Variants in BCL9L observed in about 807,000 individuals in gnomAD.
The protein encoded by BCL9L is BCL9 like, also known as B-cell CLL/lymphoma 9-like protein.
A neutral mutation model predicts 99.4 loss-of-function variants in BCL9L; 19 were observed. That is an observed-to-expected ratio of 0.19 (90% CI 0.13 to 0.28). The LOEUF (loss-of-function observed/expected upper bound fraction) is 0.28, where lower values mean the gene tolerates loss of function less well. Ranked by LOEUF, BCL9L falls within the 10% of genes least tolerant of loss-of-function variation. The pLI is 1.00. For synonymous variants in BCL9L, 900 were observed against 854.8 expected (o/e 1.05, Z -0.92); for missense variants, 2,023 against 2,101.6 (o/e 0.96, Z 0.73).
At position 118,898,294 on chromosome 11, in the gene BCL9L, G is replaced by GGCCCCACCCCCCC; in HGVS notation, c.*120_*121insGGGGGGGTGGGGC. On this transcript the variant is annotated 3_prime_UTR_variant, in exon 10 of 10. Coordinates refer to ENST00000683865, the MANE Select transcript of BCL9L (RefSeq NM_001378213.1). ...TCCACAAATGCCACTCCCTACACAA[G>GGCCCCACCCCCCC]CCCCCTCCCACCCCCTCCACCCCAC... 2.2e-6 allele frequency: 1 copy of GGCCCCACCCCCCC among 452,312 alleles called. No individual in the cohort carries two copies. Among genetic ancestry groups the GGCCCCACCCCCCC allele is most frequent in the African/African-American group, 2.0e-5 (1 of 49,078 alleles). 28.0% of individuals were successfully genotyped at this position (452,312 alleles called of 1,614,324 possible).
At position 118,914,500 on chromosome 11, in the gene BCL9L, C is replaced by T. The variant is rs971207130; in HGVS notation, c.-77+4326G>A. Reference sequence around the variant, plus strand: ...TCTTGGCAGCAGCAGCACCTGGGGGCCCCACGAGCTCTGCCCACATTGACA... The same window carrying T: ...TCTTGGCAGCAGCAGCACCTGGGGGTCCCACGAGCTCTGCCCACATTGACA... On this transcript the variant is annotated intron_variant, in intron 2 of 9. Transcript: ENST00000683865. The surrounding 1 kb of genome is among the most constrained non-coding windows in gnomAD (Gnocchi z 4.4). Among the ~76,000 whole-genome samples the T allele has an allele frequency of 6.6e-6, 1 of 152,228 alleles. No homozygotes were observed. The highest frequency in any genetic ancestry group is 1.5e-5 in the Non-Finnish European group (1 of 68,038).
chr11:118,923,789 G>C (rs886684795), intron 1 of BCL9L, among the ~76,000 whole-genome samples: 8 of 152,210 alleles, frequency 5.3e-5, no homozygotes, highest in African/African-American at 1.9e-4. Context: ...GGCTCTCCAA[G>C]GCCAAGGAGG....
intron 2 of BCL9L, among the ~76,000 whole-genome samples, chr11:118,915,594 G>T (rs1188652632): frequency 6.6e-6 from 1 of 152,108 alleles, no homozygotes; most frequent in South Asian, 2.1e-4. Context: ...AGAGGGGCTG[G>T]GTGGCTGTCC....
chr11:118,902,341 G>T lies in BCL9L; in HGVS notation c.1402C>A (p.Pro468Thr). Residue 468 changes from proline (P) to threonine (T), a missense_variant, in exon 8 of 10, where the codon CCC becomes ACC. This residue lies in a region of BCL9L where 1,116 missense variants were observed against 1,194.6 expected (regional missense o/e 0.93). Transcript: ENST00000683865. The surrounding 1 kb of genome is among the most constrained non-coding windows in gnomAD (Gnocchi z 7.8). ...PPSGLKKYEEPLQSMISQTQS... is the reference protein window; with the variant it reads ...PPSGLKKYEETLQSMISQTQS... ...GTCTGTGAAATCATGGACTGCAAGGGTTCCTCATATTTCTTCAGCCCGCTG... is the reference window on the plus strand; with the variant it reads ...GTCTGTGAAATCATGGACTGCAAGGTTTCCTCATATTTCTTCAGCCCGCTG... 6.5e-7 allele frequency: 1 copy of T among 1,534,198 alleles called. No individual in the cohort carries two copies. The highest frequency in any genetic ancestry group is 8.8e-7 in the Non-Finnish European group (1 of 1,141,642).
chr11:118,902,807 CG>C lies in BCL9L; in HGVS notation c.935del (p.Pro312ArgfsTer151). ...GAGCAGGCGGGGCACTGCCAGGGGC[CG>C]GGGGTGGCGGCGGCGGCAGTGGAGG... ...QPPPLPPPPP[P>X]APGSAPPALP... On this transcript the variant is annotated frameshift_variant, in exon 8 of 10. Transcript: ENST00000683865. LOFTEE classifies it high-confidence loss of function. The surrounding 1 kb of genome is among the most constrained non-coding windows in gnomAD (Gnocchi z 7.8). 3 of 1,553,398 alleles carry C rather than the reference CG, an allele frequency of 1.9e-6. No individual in the cohort carries two copies. Among genetic ancestry groups the C allele is most frequent in the Non-Finnish European group, 2.6e-6 (3 of 1,156,318 alleles).
At chr11:118,919,113 CCCCCGACCCCCCAA>C (rs1941067976) in intron 1 of BCL9L, among the ~76,000 whole-genome samples, 1 of 19,296 alleles carries the variant, frequency 5.2e-5, no homozygotes, top group African/African-American at 2.5e-4. Flanking sequence ...TGCCCCCCCC[CCCCCGACCCCCCAA>C]CCCCCGCCCA....
rs760828889 is a variant in BCL9L, at chr11:118,907,511, C to T, written c.504G>A (p.Glu168=). 3 of 1,614,226 alleles carry T rather than the reference C, an allele frequency of 1.9e-6. No homozygotes were observed. The highest frequency in any genetic ancestry group is 2.2e-5 in the East Asian group (1 of 44,878). Residue 168 remains glutamate (E), a synonymous_variant, in exon 5 of 10, where the codon GAG becomes GAA. Coordinates refer to ENST00000683865, the MANE Select transcript of BCL9L (RefSeq NM_001378213.1). ...GGGTGGCCCCAATGGGCTTGTCGTCCTCCTCACTGTCCGGTCCAGAGCACC... is the reference window on the plus strand; with the variant it reads ...GGGTGGCCCCAATGGGCTTGTCGTCTTCCTCACTGTCCGGTCCAGAGCACC... The part of the protein sequence containing the change: ...DEWCSGPDSE[E]DDKPIGATHN...
At chr11:118,905,512 CAAAAAAAAAA>C (rs761526586) in intron 5 of BCL9L, among the ~76,000 whole-genome samples, 2 of 38,578 alleles carry the variant, frequency 5.2e-5, no homozygotes, top group East Asian at 7.9e-4. Context: ...GACTCTGTCT[CAAAAAAAAAA>C]AAAAAAAAAA....
In BCL9L at chr11:118,899,948, G is replaced by C. The variant is rs767526709; in HGVS notation, c.3375C>G (p.Pro1125=). ...CGGAGCCCTGCGGTGGTGGTGGGGG[G>C]GGCAGCAGGGGCCGGTCGGGCAGCA... The part of the protein sequence containing the change: ...DELLPDRPLL[P]PPPPPQGSGP... The change falls in exon 9 of 10, where the codon CCC becomes CCG. Residue 1125 remains proline (P), a synonymous_variant. Coordinates refer to ENST00000683865, the MANE Select transcript of BCL9L (RefSeq NM_001378213.1). The C allele has an allele frequency of 1.2e-6, 2 of 1,613,534 alleles. No homozygotes were observed. The highest frequency in any genetic ancestry group is 2.2e-5 in the East Asian group (1 of 44,884).
intron 1 of BCL9L, 27 bp from the exon 2 acceptor site, chr11:118,918,906 GC>G (rs1167173692): frequency 6.6e-6 from 1 of 151,994 alleles, no homozygotes; most frequent in Non-Finnish European, 1.5e-5. Context: ...AAAGCTAGAA[GC>G]CCCCTTCTAG....
chr11:118,917,326 G>A (rs1047922039), intron 2 of BCL9L, among the ~76,000 whole-genome samples: 4 of 152,206 alleles, frequency 2.6e-5, no homozygotes, highest in Non-Finnish European at 4.4e-5. Context: ...CATTTATTGA[G>A]CATTTACTTT....
chr11:118,920,976 C>T (rs1395287717), intron 1 of BCL9L, among the ~76,000 whole-genome samples: 1 of 152,164 alleles, frequency 6.6e-6, no homozygotes, highest in Non-Finnish European at 1.5e-5. Flanking sequence ...CATGTGTGTG[C>T]CCGCACACGC....
At chr11:118,910,202 A>C (rs1366352677) in intron 2 of BCL9L, 187 bp from the exon 3 acceptor site, 1 of 522,646 alleles carries the variant, frequency 1.9e-6, no homozygotes, top group Non-Finnish European at 3.5e-6. Flanking sequence ...TCCCTCCCGC[A>C]CCTTGCCCTC....
Position 118,898,318 on chromosome 11 carries a change from ACCCCG to A in BCL9L, c.*92_*96del. 9 of 350,588 alleles carry A rather than the reference ACCCCG, an allele frequency of 2.6e-5. No individual in the cohort carries two copies. Among genetic ancestry groups the A allele is most frequent in the Middle Eastern group, 9.9e-4 (1 of 1,010 alleles). The allele number at this position is 350,588 out of a possible 1,614,324, so 21.7% of individuals were successfully genotyped here. ...AGCCCCCTCCCACCCCCTCCACCCC[ACCCCG>A]CGACCCAGGCCATCCCAACATTGAG... On this transcript the variant is annotated 3_prime_UTR_variant, in exon 10 of 10. Coordinates refer to ENST00000683865, the MANE Select transcript of BCL9L (RefSeq NM_001378213.1).
intron 5 of BCL9L, among the ~76,000 whole-genome samples, chr11:118,905,724 G>A (rs1416153251): frequency 6.6e-6 from 1 of 151,864 alleles, no homozygotes; most frequent in Non-Finnish European, 1.5e-5. Context: ...GGCTGAGGCA[G>A]GAAAATCGCT....
Position 118,901,373 on chromosome 11 carries a change from C to T in BCL9L, c.2370G>A (p.Pro790=), listed in dbSNP as rs149374315. Residue 790 remains proline (P), a synonymous_variant, in exon 8 of 10, where the codon CCG becomes CCA. Coordinates refer to ENST00000683865, the MANE Select transcript of BCL9L (RefSeq NM_001378213.1). The surrounding 1 kb of genome is among the most constrained non-coding windows in gnomAD (Gnocchi z 6.6). The part of the protein sequence containing the change: ...MNMNLNVQMT[P]QQQMLMSQKM... ...TCTGCGACATCAGCATCTGCTGCTG[C>T]GGGGTCATCTGCACGTTCAGGTTCA... 1.2e-3 allele frequency: 1,954 copies of T among 1,613,828 alleles called. 19 individuals carry two copies. The African/African-American group carries it at 0.021, about 18-fold the overall frequency.
chr11:118,916,615 C>T (rs1420333800), intron 2 of BCL9L, among the ~76,000 whole-genome samples: 1 of 152,232 alleles, frequency 6.6e-6, no homozygotes, highest in African/African-American at 2.4e-5. Flanking sequence ...GCTGTAGATG[C>T]TGATATTACC....
rs756712665 is a variant in BCL9L, at chr11:118,900,575, C to CGCCT, written c.3124+40_3124+43dup. ...GCCCCAGCATGGACACACTGCTCAG[C>CGCCT]GCCTGCCTGCCTGCCTGCCTGCCTG... On this transcript the variant is annotated intron_variant, in intron 8 of 9. Transcript: ENST00000683865. The surrounding 1 kb of genome is among the most constrained non-coding windows in gnomAD (Gnocchi z 5.3). 4,726 of 1,558,120 alleles carry CGCCT rather than the reference C, an allele frequency of 3.0e-3. 8 individuals are homozygous for CGCCT. Among genetic ancestry groups the CGCCT allele is most frequent in the Middle Eastern group, 3.7e-3 (19 of 5,098 alleles).
chr11:118,917,969 C>T (rs1027673118), intron 2 of BCL9L, among the ~76,000 whole-genome samples: 2 of 152,250 alleles, frequency 1.3e-5, no homozygotes, highest in African/African-American at 4.8e-5. Context: ...CCCTGCCCCC[C>T]ACCCACCTGT....
Sources: gnomAD v4.1 joint callset for allele counts (sites outside exome capture counted in the v4.1 genomes callset) on GRCh38, gnomAD v4.1.1 for gene constraint, gnomAD v4.1.1 regional missense constraint, Gnocchi (gnomAD v3.1) non-coding constraint, MANE v1.5 for transcripts, NCBI Gene and HGNC (gene_info 2026-07-23, HGNC 2026-07-21) for gene names.